NTMT1: variants seen among roughly 807,000 people sequenced by gnomAD.
NTMT1 encodes the protein N-terminal RCC1 methyltransferase.
A neutral mutation model predicts 17.5 loss-of-function variants in NTMT1; 8 were observed. That is an observed-to-expected ratio of 0.46 (90% CI 0.27 to 0.82). The LOEUF is 0.82. Among genes scored for constraint, NTMT1 ranks in the 40% least tolerant of loss-of-function variants. The pLI is 0.15. For missense variants in NTMT1, 221 were observed against 303.5 expected, an observed-to-expected ratio of 0.73 and a Z score of 2.02; for synonymous variants, 128 against 126.8, an observed-to-expected ratio of 1.01 and a Z score of -0.06.
chr9:129,635,749 A>C lies in NTMT1; in HGVS notation c.*285A>C, dbSNP rs745498374. On this transcript the variant is annotated 3_prime_UTR_variant, in exon 4 of 4. Coordinates refer to ENST00000372483, the MANE Select transcript of NTMT1 (RefSeq NM_014064.4). ...GGGCTCCTGGTGCTCCCCATGTGGG[A>C]ATAGGGTGGCCACATCAGTAACCGA... 7.9e-6 allele frequency: 3 copies of C among 380,002 alleles called. No homozygotes were observed. Among genetic ancestry groups the C allele is most frequent in the Non-Finnish European group, 1.4e-5 (3 of 208,204 alleles). 23.5% of individuals were successfully genotyped at this position (380,002 alleles called of 1,614,324 possible).
chr9:129,621,776 A>G (rs1295869364), upstream of NTMT1, among the ~76,000 whole-genome samples: 1 of 150,616 alleles, frequency 6.6e-6, no homozygotes, highest in Non-Finnish European at 1.5e-5. Context: ...ACCACACCCC[A>G]CTCCCAGATT....
intron 1 of NTMT1, chr9:129,615,657 G>T (rs761305758): frequency 1.1e-4 from 173 of 1,536,598 alleles, no homozygotes; most frequent in Non-Finnish European, 1.4e-4. Context: ...GCTGAGAGAG[G>T]GGAGAGGGGC....
chr9:129,613,354 T>G lies in NTMT1; in HGVS notation c.-55+4176T>G. 1 of 1,575,054 alleles carries G rather than the reference T, an allele frequency of 6.3e-7. No homozygotes were observed. Among genetic ancestry groups the G allele is most frequent in the East Asian group, 2.3e-5 (1 of 44,368 alleles). On this transcript the variant is annotated intron_variant, in intron 1 of 3. Coordinates refer to the NTMT1 transcript ENST00000372486. This position sits in a 1 kb window ranked among gnomAD's most constrained non-coding sequence, Gnocchi z 6.2. ...CCCACACTGGCAACCCGCCTGCTGC[T>G]GGGTGGGGAGGTCTGTAGGCAAGGG...
chr9:129,610,199 G>C (rs1450134344), intron 1 of NTMT1, among the ~76,000 whole-genome samples: 1 of 121,694 alleles, frequency 8.2e-6, no homozygotes, highest in African/African-American at 3.1e-5. Context: ...GGGGGAGGAG[G>C]GGGGGAGGAG....
At position 129,635,615 on chromosome 9, in the gene NTMT1, T is replaced by C; in HGVS notation, c.*151T>C. On this transcript the variant is annotated 3_prime_UTR_variant, in exon 4 of 4. Coordinates refer to ENST00000372483, the MANE Select transcript of NTMT1 (RefSeq NM_014064.4). ...CGTCCACTCATTATGCGGGCTCTTC[T>C]TCAAAAGGCAAGGTGGGACCCGGCG... is the stretch of plus-strand genomic sequence containing the variant. 1.0e-6 allele frequency: 1 copy of C among 1,003,050 alleles called. No individual in the cohort carries two copies. Among genetic ancestry groups the C allele is most frequent in the Non-Finnish European group, 1.5e-6 (1 of 682,920 alleles). 62.1% of individuals were successfully genotyped at this position (1,003,050 alleles called of 1,614,324 possible). A position where few individuals can be genotyped will look rare whatever the true frequency, so the allele number is the denominator to read the frequency against.
At chr9:129,628,733 G>A (rs1283503712) in intron 1 of NTMT1, 2 of 152,224 alleles carry the variant, frequency 1.3e-5, no homozygotes, top group African/African-American at 4.8e-5. Flanking sequence ...TTTGCCCCCA[G>A]ATTTATTCTG....
At chr9:129,619,823 T>G (rs1308351767) in intron 1 of NTMT1, 1 of 1,613,960 alleles carries the variant, frequency 6.2e-7, no homozygotes, top group African/African-American at 1.3e-5. Flanking sequence ...GTTGCGGTGC[T>G]GGGGATGCTG....
rs1259489797 is a variant in NTMT1, at chr9:129,613,440, A to G, written c.-55+4262A>G. On this transcript the variant is annotated intron_variant, in intron 1 of 3. Coordinates refer to the NTMT1 transcript ENST00000372486. The surrounding 1 kb of genome is among the most constrained non-coding windows in gnomAD (Gnocchi z 6.2). Reference sequence around the variant, plus strand: ...CCGCTTCCCTGGAGCCTCACAGGCCAGCGCAGTCCCAACACGAGGAGCTGG... The same window carrying G: ...CCGCTTCCCTGGAGCCTCACAGGCCGGCGCAGTCCCAACACGAGGAGCTGG... 3.7e-6 allele frequency: 6 copies of G among 1,613,812 alleles called. No individual in the cohort carries two copies. The highest frequency in any genetic ancestry group is 5.1e-6 in the Non-Finnish European group (6 of 1,180,014).
At chr9:129,628,327 G>T (rs993193431) in intron 1 of NTMT1, among the ~76,000 whole-genome samples, 6 of 152,204 alleles carry the variant, frequency 3.9e-5, no homozygotes, top group Non-Finnish European at 8.8e-5. Context: ...TCAAAGTCAG[G>T]CTTGCTATTT....
chr9:129,613,017 A>C lies in NTMT1; in HGVS notation c.-55+3839A>C, dbSNP rs995286314. The C allele has an allele frequency of 1.0e-5, 16 of 1,544,738 alleles. No homozygotes were observed. Among genetic ancestry groups the C allele is most frequent in the African/African-American group, 2.7e-5 (2 of 73,160 alleles). The stretch of plus-strand genomic sequence containing the variant: ...TCAGGGAGGGTCCACTCCCAGCCCC[A>C]GCCACTCCACCAAACAGGGCTGCTC... On this transcript the variant is annotated intron_variant, in intron 1 of 3. Transcript: ENST00000372486. This position sits in a 1 kb window ranked among gnomAD's most constrained non-coding sequence, Gnocchi z 6.2.
At chr9:129,610,393 C>T (rs1247633948) in intron 1 of NTMT1, among the ~76,000 whole-genome samples, 2 of 151,754 alleles carry the variant, frequency 1.3e-5, no homozygotes, top group Non-Finnish European at 2.9e-5. Context: ...GGGCTCCACG[C>T]GGACTCCGGC....
chr9:129,615,783 G>A, intron 1 of NTMT1: 1 of 1,011,898 alleles, frequency 9.9e-7, no homozygotes, highest in Non-Finnish European at 1.3e-6. Context: ...GCCAATCACA[G>A]CAGCCGGCCT....
At chr9:129,612,715 C>CGAAAA (rs1830150021) in intron 1 of NTMT1, among the ~76,000 whole-genome samples, 1 of 152,100 alleles carries the variant, frequency 6.6e-6, no homozygotes, top group South Asian at 2.1e-4. Context: ...CTGTCTCTAC[C>CGAAAA]GAAAATACAA....
chr9:129,620,402 C>A lies in NTMT1; in HGVS notation c.-55+11224C>A. 1 of 1,236,436 alleles carries A rather than the reference C, an allele frequency of 8.1e-7. No homozygotes were observed. The highest frequency in any genetic ancestry group is 1.0e-6 in the Non-Finnish European group (1 of 990,502). The allele number at this position is 1,236,436 out of a possible 1,614,324, so 76.6% of individuals were successfully genotyped here. On this transcript the variant is annotated intron_variant, in intron 1 of 3. Transcript: ENST00000372486. This position sits in a 1 kb window ranked among gnomAD's most constrained non-coding sequence, Gnocchi z 5.8. ...GTCCCCTTCCGGCCACCACGCGGCGCCGCCCCCCGGGATCCTCCAGTCCCC... is the reference window on the plus strand; with the variant it reads ...GTCCCCTTCCGGCCACCACGCGGCGACGCCCCCCGGGATCCTCCAGTCCCC...
chr9:129,615,871 G>GA (rs1830352779), intron 1 of NTMT1, among the ~76,000 whole-genome samples: 1 of 152,242 alleles, frequency 6.6e-6, no homozygotes, highest in African/African-American at 2.4e-5. Flanking sequence ...CAGTCCCCAT[G>GA]AAACGCTGTT....
intron 1 of NTMT1, chr9:129,615,708 C>T: frequency 2.7e-6 from 4 of 1,463,644 alleles, no homozygotes; most frequent in Non-Finnish European, 3.6e-6. Flanking sequence ...CACACACGCA[C>T]CAGCCCCAGA....
chr9:129,631,154 GCCT>G (rs1831145482), intron 1 of NTMT1, among the ~76,000 whole-genome samples: 1 of 152,232 alleles, frequency 6.6e-6, no homozygotes, highest in African/African-American at 2.4e-5. Context: ...AGCTCGGGCT[GCCT>G]CCTCCAGGCG....
intron 2 of NTMT1, 69 bp from the exon 3 acceptor site, chr9:129,633,985 G>A: frequency 1.3e-6 from 2 of 1,532,956 alleles, no homozygotes; most frequent in Admixed American, 3.9e-5. Flanking sequence ...AAGTCCTAGG[G>A]CTCGTGAGGA....
In NTMT1 at chr9:129,620,059, G is replaced by A; in HGVS notation, c.-55+10881G>A. The A allele has an allele frequency of 6.9e-7, 1 of 1,453,346 alleles. No homozygotes were observed. Among genetic ancestry groups the A allele is most frequent in the Non-Finnish European group, 9.1e-7 (1 of 1,101,068 alleles). The allele number at this position is 1,453,346 out of a possible 1,614,324, so 90.0% of individuals were successfully genotyped here. ...CGGGCCCGCCCCCCGGGCCCCGCGGGGCCTCACTCAGTGGCTCCGGCTCCT... is the reference window on the plus strand; with the variant it reads ...CGGGCCCGCCCCCCGGGCCCCGCGGAGCCTCACTCAGTGGCTCCGGCTCCT... On this transcript the variant is annotated intron_variant, in intron 1 of 3. Coordinates refer to the NTMT1 transcript ENST00000372486. The surrounding 1 kb of genome is among the most constrained non-coding windows in gnomAD (Gnocchi z 5.8).
Sources: allele counts gnomAD v4.1 joint callset (sites outside exome capture counted in the v4.1 genomes callset), GRCh38; gene constraint gnomAD v4.1.1; non-coding constraint Gnocchi (gnomAD v3.1); transcripts MANE v1.5; gene names NCBI Gene and HGNC (gene_info 2026-07-23, HGNC 2026-07-21).